The following RBFOX1 variants were observed in gnomAD, a reference collection of about 807,000 sequenced individuals.
RBFOX1 encodes the protein RNA binding protein fox-1 homolog 1.
In RBFOX1, 8 loss-of-function variants were observed where a neutral mutation model predicts 57.7. The observed-to-expected ratio is 0.14, with a 90% CI of 0.08 to 0.25. RBFOX1 has a LOEUF of 0.25. Among genes scored for constraint, RBFOX1 ranks in the 10% least tolerant of loss-of-function variants. The probability of loss-of-function intolerance (pLI) is 1.00; values close to 1 mark genes in which losing one functional copy is unlikely to be tolerated. For missense variants in RBFOX1, 611 were observed against 548.5 expected, an observed-to-expected ratio of 1.11 and a Z score of -1.14; for synonymous variants, 326 against 222.4, an observed-to-expected ratio of 1.47 and a Z score of -4.15.
At chr16:6,572,206 T>C (rs2097354312) in intron 2 of RBFOX1, among the ~76,000 whole-genome samples, 1 of 152,232 alleles carries the variant, frequency 6.6e-6, no homozygotes, top group African/African-American at 2.4e-5. Context: ...TAAATATGTT[T>C]TGCCTATATT....
In RBFOX1 at chr16:5,310,110, C is replaced by T. The variant is rs369463418; in HGVS notation, c.219+70005C>T. On this transcript the variant is annotated intron_variant, in intron 1 of 2. Coordinates refer to the RBFOX1 transcript ENST00000585867. ...CTTTCCTGATCTGCCCTGGCTTGGG[C>T]GGCTGAGTGTAGAGGTAAAAAGTGT... Among the ~76,000 whole-genome samples, 91 of 152,194 alleles carry T rather than the reference C, an allele frequency of 6.0e-4. 1 individual carries two copies. The South Asian group carries it at 6.2e-3, about 10-fold the overall frequency.
At chr16:7,177,203 A>G (rs2081849983) in intron 4 of RBFOX1, among the ~76,000 whole-genome samples, 2 of 152,332 alleles carry the variant, frequency 1.3e-5, no homozygotes, top group East Asian at 3.9e-4. Context: ...TAGCGACAAT[A>G]CAACCGCTTC....
In RBFOX1 at chr16:5,856,282, TATACAC is replaced by T. The variant is rs1238891397; in HGVS notation, c.319-11019_319-11014del. Among the ~76,000 whole-genome samples, 5 of 29,982 alleles carry T rather than the reference TATACAC, an allele frequency of 1.7e-4. No homozygotes were observed. The Admixed American group carries it at 1.7e-3, about 10-fold the overall frequency. The allele number at this position is 29,982 out of a possible 152,430, so 19.7% of individuals were successfully genotyped here. ...ATATGTATATATATATACACATATATATACACACACACACACACACACACACACATA... is the reference window on the plus strand; with the variant it reads ...ATATGTATATATATATACACATATATACACACACACACACACACACACATA... On this transcript the variant is annotated intron_variant, in intron 3 of 19. Coordinates refer to the RBFOX1 transcript ENST00000641259.
chr16:5,249,027 G>T (rs2062378075), intron 1 of RBFOX1, among the ~76,000 whole-genome samples: 1 of 150,954 alleles, frequency 6.6e-6, no homozygotes, highest in African/African-American at 2.4e-5. Context: ...ACAAGAGGAG[G>T]AGGGAAGAGA....
intron 15 of RBFOX1, chr16:7,709,459 T>C (rs1568613330): frequency 7.2e-7 from 1 of 1,395,106 alleles, no homozygotes; most frequent in Non-Finnish European, 9.4e-7. Flanking sequence ...TTTTTTTTTC[T>C]TTTTTTTTCC....
At chr16:5,302,337 T>G (rs2063825844) in intron 1 of RBFOX1, among the ~76,000 whole-genome samples, 1 of 152,198 alleles carries the variant, frequency 6.6e-6, no homozygotes, top group South Asian at 2.1e-4. Context: ...TGAGACTAGC[T>G]TTATGGAGCA....
intron 1 of RBFOX1, among the ~76,000 whole-genome samples, chr16:6,085,499 G>A (rs1030276175): frequency 3.9e-5 from 6 of 152,150 alleles, no homozygotes; most frequent in Admixed American, 6.5e-5. Flanking sequence ...TCGAACTCCC[G>A]ACTTCAGGTG....
intron 1 of RBFOX1, among the ~76,000 whole-genome samples, chr16:6,143,521 C>G (rs1044923559): frequency 1.3e-5 from 2 of 152,186 alleles, no homozygotes; most frequent in African/African-American, 4.8e-5. Flanking sequence ...CTGTTCTTCC[C>G]TTTGCTATTG....
intron 3 of RBFOX1, among the ~76,000 whole-genome samples, chr16:6,664,033 C>G (rs2098717174): frequency 6.6e-6 from 1 of 152,198 alleles, no homozygotes; most frequent in Non-Finnish European, 1.5e-5. Context: ...GTCACATGGA[C>G]TGTGATATCA....
intron 3 of RBFOX1, among the ~76,000 whole-genome samples, chr16:6,988,712 G>A (rs1169523497): frequency 6.7e-6 from 1 of 148,366 alleles, no homozygotes; most frequent in African/African-American, 2.5e-5. Flanking sequence ...TTACAGGTGT[G>A]TGACATCACA....
At chr16:5,960,525 C>A (rs1229231377) in intron 4 of RBFOX1, among the ~76,000 whole-genome samples, 1 of 152,146 alleles carries the variant, frequency 6.6e-6, no homozygotes, top group Non-Finnish European at 1.5e-5. Flanking sequence ...GCTATAAATA[C>A]ATTCTGCTTG....
intron 2 of RBFOX1, among the ~76,000 whole-genome samples, chr16:6,628,080 C>G (rs867015085): frequency 1.3e-5 from 2 of 152,186 alleles, no homozygotes; most frequent in African/African-American, 4.8e-5. Flanking sequence ...CAGCCAGGCT[C>G]CCTTCTCTGT....
intron 4 of RBFOX1, among the ~76,000 whole-genome samples, chr16:7,362,884 G>C (rs1029293224): frequency 1.3e-5 from 2 of 152,174 alleles, no homozygotes; most frequent in East Asian, 1.9e-4. Flanking sequence ...CCAGATGTGA[G>C]AGTCAGATAT....
At position 6,622,417 on chromosome 16, in the gene RBFOX1, A is replaced by G. The variant is rs1052659246; in HGVS notation, c.-63-32186A>G. On this transcript the variant is annotated intron_variant, in intron 2 of 15. Transcript: ENST00000550418. The stretch of plus-strand genomic sequence containing the variant: ...TTAATGACAGTTGCCTACAGTATTC[A>G]GTACAGTAACAAGCTGTACAGGCTT... Among the ~76,000 whole-genome samples the G allele has an allele frequency of 3.9e-5, 6 of 152,308 alleles. No homozygotes were observed. In the East Asian group the frequency reaches 9.6e-4, roughly 24 times the overall value.
Position 5,346,848 on chromosome 16 carries a change from GA to G in RBFOX1, c.219+106744del, listed in dbSNP as rs146793528. Among the ~76,000 whole-genome samples, 634 of 152,326 alleles carry G rather than the reference GA, an allele frequency of 4.2e-3. 3 individuals are homozygous for G. The highest frequency in any genetic ancestry group is 0.014 in the African/African-American group (590 of 41,564). On this transcript the variant is annotated intron_variant, in intron 1 of 2. Transcript: ENST00000585867. ...GTGTTCCCATCTGCAAAGTGAGGAT[GA>G]TAACAGCACCTCCCTCAAGAGCTGG...
chr16:6,828,551 C>T (rs576450817), intron 3 of RBFOX1, among the ~76,000 whole-genome samples: 140 of 151,640 alleles, frequency 9.2e-4, no homozygotes, highest in Non-Finnish European at 7.2e-4. Flanking sequence ...ATAGCAGTTT[C>T]ATATGACTAG....
intron 2 of RBFOX1, among the ~76,000 whole-genome samples, chr16:5,564,699 C>G (rs1292392545): frequency 6.6e-6 from 1 of 152,172 alleles, no homozygotes; most frequent in African/African-American, 2.4e-5. Flanking sequence ...GGCAAGCATC[C>G]AGGCATTTAT....
chr16:5,716,094 C>G (rs1205785319), intron 3 of RBFOX1, among the ~76,000 whole-genome samples: 2 of 152,156 alleles, frequency 1.3e-5, no homozygotes, highest in African/African-American at 4.8e-5. Flanking sequence ...GTATTATACA[C>G]CAGAGATTCC....
intron 2 of RBFOX1, among the ~76,000 whole-genome samples, chr16:6,553,925 C>A (rs1407782063): frequency 6.6e-6 from 1 of 152,000 alleles, no homozygotes; most frequent in Non-Finnish European, 1.5e-5. Context: ...CTAAATCATT[C>A]CCAACAATTA....
Sources: allele counts gnomAD v4.1 joint callset (sites outside exome capture counted in the v4.1 genomes callset), GRCh38; gene constraint gnomAD v4.1.1; transcripts MANE v1.5; gene names NCBI Gene and HGNC (gene_info 2026-07-23, HGNC 2026-07-21).